The following STARD8 variants were observed in gnomAD, a reference collection of about 807,000 sequenced individuals.
The protein encoded by STARD8 is StAR related lipid transfer domain containing 8, also known as stAR-related lipid transfer protein 8.
A neutral mutation model predicts 69.4 loss-of-function variants in STARD8; 25 were observed. That is an observed-to-expected ratio of 0.36 (90% CI 0.26 to 0.50). The LOEUF (loss-of-function observed/expected upper bound fraction) is 0.50, where lower values mean the gene tolerates loss of function less well. Among genes scored for constraint, STARD8 ranks in the 20% least tolerant of loss-of-function variants. The pLI is 0.96. For synonymous variants in STARD8, 389 were observed against 374.6 expected, an observed-to-expected ratio of 1.04 and a Z score of -0.45; for missense variants, 921 against 932.5, an observed-to-expected ratio of 0.99 and a Z score of 0.16.
At chrX:68,706,256 G>A (rs1483878333) in intron 2 of STARD8, among the ~76,000 whole-genome samples, 2 of 111,670 alleles carry the variant, frequency 1.8e-5, no homozygotes, top group Non-Finnish European at 3.8e-5. Context: ...CCCTTCCTGC[G>A]GTGCCCCTCC....
At chrX:68,716,514 G>T in intron 5 of STARD8, 83 bp downstream of exon 5, 1 of 987,337 alleles carries the variant, frequency 1.0e-6, no homozygotes. Context: ...TGTAAAACTA[G>T]CTCCAGTATC....
In STARD8 at chrX:68,724,132, T is replaced by C; in HGVS notation, c.3194+11T>C. On this transcript the variant is annotated intron_variant, in intron 14 of 14. Coordinates refer to ENST00000374599, the MANE Select transcript of STARD8 (RefSeq NM_001142503.3). Reference sequence around the variant, plus strand: ...CCGGGCTGACCTCAGGTATCAGGCCTGGGACAGCCTGCTCGACCCCCTTGG... The same window carrying C: ...CCGGGCTGACCTCAGGTATCAGGCCCGGGACAGCCTGCTCGACCCCCTTGG... 8.3e-7 allele frequency: 1 copy of C among 1,204,751 alleles called. No homozygotes were observed. Among genetic ancestry groups the C allele is most frequent in the Non-Finnish European group, 1.1e-6 (1 of 891,356 alleles).
intron 2 of STARD8, among the ~76,000 whole-genome samples, chrX:68,669,852 A>G (rs1481389551): frequency 8.9e-6 from 1 of 112,652 alleles, no homozygotes; most frequent in Non-Finnish European, 1.9e-5. Flanking sequence ...TCCAAGGCTC[A>G]CAAGGGCAGT....
chrX:68,708,088 AATG>A (rs1744673589), intron 2 of STARD8, among the ~76,000 whole-genome samples: 1 of 112,212 alleles, frequency 8.9e-6, no homozygotes, highest in African/African-American at 3.2e-5. Context: ...AGCCTTCATT[AATG>A]ATAACTTTTA....
intron 1 of STARD8, among the ~76,000 whole-genome samples, chrX:68,651,051 G>A (rs191930542): frequency 8.0e-4 from 90 of 112,257 alleles, no homozygotes; most frequent in African/African-American, 2.5e-3. Context: ...GCACAAACAG[G>A]CAAATGCACA....
At chrX:68,659,187 C>A (rs754398947) in intron 1 of STARD8, among the ~76,000 whole-genome samples, 1 of 112,010 alleles carries the variant, frequency 8.9e-6, no homozygotes, top group Non-Finnish European at 1.9e-5. Context: ...GTGAAAAGGC[C>A]TGCCACACAA....
intron 2 of STARD8, among the ~76,000 whole-genome samples, chrX:68,678,377 G>C (rs1353914639): frequency 1.8e-5 from 2 of 111,722 alleles, no homozygotes; most frequent in African/African-American, 6.5e-5. Context: ...AAAAGGGAAG[G>C]AGGAAGGCCA....
At chrX:68,710,950 C>T (rs1162981380) in intron 2 of STARD8, among the ~76,000 whole-genome samples, 1 of 112,398 alleles carries the variant, frequency 8.9e-6, no homozygotes, top group African/African-American at 3.2e-5. Flanking sequence ...GTGGCTGTGG[C>T]AGCCAGCTCA....
intron 7 of STARD8, among the ~76,000 whole-genome samples, chrX:68,719,847 C>T (rs1261023383): frequency 8.9e-6 from 1 of 111,839 alleles, no homozygotes; most frequent in African/African-American, 3.3e-5. Context: ...TGCCTCTTTG[C>T]CTTTGTTTGT....
Position 68,717,276 on chromosome X carries a change from G to A in STARD8, c.362G>A (p.Ser121Asn). 8.3e-7 allele frequency: 1 copy of A among 1,204,631 alleles called. No individual in the cohort carries two copies. Among genetic ancestry groups the A allele is most frequent in the Non-Finnish European group, 1.1e-6 (1 of 891,929 alleles). ...ISSHWAFQQESKCWSPMGSSD... is the reference protein window; with the variant it reads ...ISSHWAFQQENKCWSPMGSSD... ...AGCCACTGGGCCTTCCAGCAGGAAA[G>A]TAAGTGCTGGTCTCCTATGGGGTCC... The change falls in exon 6 of 15, where the codon AGT becomes AAT. Residue 121 changes from serine to asparagine, a missense_variant. Physicochemically the swap from Ser to Asn is conservative, Grantham distance 46 (BLOSUM62 1). Coordinates refer to ENST00000374599, the MANE Select transcript of STARD8 (RefSeq NM_001142503.3).
intron 1 of STARD8, among the ~76,000 whole-genome samples, chrX:68,652,104 C>A (rs1011542978): frequency 1.8e-5 from 2 of 109,060 alleles, no homozygotes; most frequent in African/African-American, 6.7e-5. Flanking sequence ...GTGATCAGCC[C>A]GCCTTGGCTT....
chrX:68,684,806 G>A (rs2147895734), intron 2 of STARD8, among the ~76,000 whole-genome samples: 1 of 112,852 alleles, frequency 8.9e-6, no homozygotes, highest in African/African-American at 3.2e-5. Context: ...AAATGGCCTA[G>A]TGGAAGGAGG....
chrX:68,695,272 G>A (rs1602582115), intron 2 of STARD8, among the ~76,000 whole-genome samples: 1 of 111,009 alleles, frequency 9.0e-6, no homozygotes. Context: ...TGGGAAGGGT[G>A]GTGTTTTGCT....
At chrX:68,670,642 G>T (rs1346362304) in intron 2 of STARD8, among the ~76,000 whole-genome samples, 2 of 111,273 alleles carry the variant, frequency 1.8e-5, no homozygotes, top group African/African-American at 6.6e-5. Flanking sequence ...GGAACTTCAG[G>T]TGGAAAGACA....
At chrX:68,682,391 C>T (rs1192683984) in intron 2 of STARD8, among the ~76,000 whole-genome samples, 1 of 112,459 alleles carries the variant, frequency 8.9e-6, no homozygotes, top group Non-Finnish European at 1.9e-5. Context: ...TAAAATACAG[C>T]CCCTGGCTGA....
chrX:68,717,270 A>C lies in STARD8; in HGVS notation c.356A>C (p.Gln119Pro), dbSNP rs1322931000. The C allele has an allele frequency of 4.2e-6, 5 of 1,204,607 alleles. No homozygotes were observed. Among genetic ancestry groups the C allele is most frequent in the Non-Finnish European group, 4.5e-6 (4 of 891,932 alleles). The change falls in exon 6 of 15, where the codon CAG (glutamine) becomes CCG (proline). Residue 119 changes from glutamine to proline, a missense_variant. Gln to Pro is a moderately conservative substitution (Grantham distance 76). Coordinates refer to ENST00000374599, the MANE Select transcript of STARD8 (RefSeq NM_001142503.3). ...CTISSHWAFQQESKCWSPMGS... is the reference protein window; with the variant it reads ...CTISSHWAFQPESKCWSPMGS... ...ATCAGTAGCCACTGGGCCTTCCAGC[A>C]GGAAAGTAAGTGCTGGTCTCCTATG...
chrX:68,668,183 T>G lies in STARD8; in HGVS notation c.79+2651T>G, dbSNP rs752989900. ...TCTCCTTCTCTTTCTCCTTCCTTCC[T>G]ACCTACCCTTCCTTCCTTCCTTCCC... On this transcript the variant is annotated intron_variant, in intron 2 of 14. Transcript: ENST00000374599. Among the ~76,000 whole-genome samples the G allele has an allele frequency of 2.6e-3, 272 of 103,082 alleles. 3 individuals are homozygous for G. The highest frequency in any genetic ancestry group is 9.3e-3 in the African/African-American group (262 of 28,152). The allele number at this position is 103,082 out of a possible 115,157, so 89.5% of individuals were successfully genotyped here.
intron 1 of STARD8, among the ~76,000 whole-genome samples, chrX:68,648,585 A>AC (rs773093575): frequency 7.2e-5 from 8 of 110,615 alleles, no homozygotes; most frequent in Non-Finnish European, 1.3e-4. Flanking sequence ...ACATAAGGAG[A>AC]CCCCCATCTC....
Position 68,718,260 on chromosome X carries a change from A to G in STARD8, c.1346A>G (p.His449Arg), listed in dbSNP as rs370980820. Reference sequence around the variant, plus strand: ...CTCAGCCAGATGGAGGTTCCGGCCCATGGAGAGTCCCCAGCCTGGGCCCAG... The same window carrying G: ...CTCAGCCAGATGGAGGTTCCGGCCCGTGGAGAGTCCCCAGCCTGGGCCCAG... ...EALSQMEVPA[H>R]GESPAWAQAE... Residue 449 changes from histidine (H) to arginine (R), a missense_variant, in exon 6 of 15, where the codon CAT (histidine) becomes CGT (arginine). By Grantham distance (29) the His-to-Arg change is conservative. Coordinates refer to ENST00000374599, the MANE Select transcript of STARD8 (RefSeq NM_001142503.3). 13 of 1,209,377 alleles carry G rather than the reference A, an allele frequency of 1.1e-5. No homozygotes were observed. In the African/African-American group the frequency reaches 1.6e-4, roughly 15 times the overall value.
Sources: gnomAD v4.1 joint callset for allele counts (sites outside exome capture counted in the v4.1 genomes callset) on GRCh38, gnomAD v4.1.1 for gene constraint, MANE v1.5 for transcripts, NCBI Gene and HGNC (gene_info 2026-07-23, HGNC 2026-07-21) for gene names.